NRXN1: variants seen among roughly 807,000 people sequenced by gnomAD.
NRXN1 encodes neurexin 1, also known as neurexin-1.
NRXN1 carries 39 observed loss-of-function variants against 150.9 expected under a neutral mutation model. That is an observed-to-expected ratio of 0.26 (90% CI 0.20 to 0.34). NRXN1 has a LOEUF of 0.34. NRXN1 is among the 10% of genes least tolerant of loss of function. The pLI is 1.00. For synonymous variants in NRXN1, 924 were observed against 757.0 expected, an observed-to-expected ratio of 1.22 and a Z score of -3.62; for missense variants, 1,815 against 1,949.9, an observed-to-expected ratio of 0.93 and a Z score of 1.30.
At chr2:49,996,955 C>T (rs1018011232) in intron 21 of NRXN1, among the ~76,000 whole-genome samples, 1 of 152,026 alleles carries the variant, frequency 6.6e-6, no homozygotes, top group African/African-American at 2.4e-5. Flanking sequence ...TCAACTTTTA[C>T]TTATTATTTC....
intron 17 of NRXN1, among the ~76,000 whole-genome samples, chr2:50,316,619 C>A (rs2075627887): frequency 6.6e-6 from 1 of 151,792 alleles, no homozygotes; most frequent in Non-Finnish European, 1.5e-5. Flanking sequence ...AATATGAAAC[C>A]CACTCTTAAA....
intron 19 of NRXN1, among the ~76,000 whole-genome samples, chr2:50,070,780 A>AAC (rs1553560116): frequency 4.6e-5 from 7 of 150,670 alleles, no homozygotes; most frequent in African/African-American, 1.7e-4. Flanking sequence ...AAAAAAAAAA[A>AAC]AAAAAAAAAC....
chr2:50,839,660 T>C (rs572373821), intron 5 of NRXN1, among the ~76,000 whole-genome samples: 1 of 152,266 alleles, frequency 6.6e-6, no homozygotes, highest in African/African-American at 2.4e-5. Context: ...CAAGTATCTA[T>C]TTATCAGATA....
At chr2:50,122,237 G>A (rs984480657) in intron 18 of NRXN1, among the ~76,000 whole-genome samples, 1 of 152,186 alleles carries the variant, frequency 6.6e-6, no homozygotes, top group African/African-American at 2.4e-5. Flanking sequence ...TGAATCAAAA[G>A]TACCTTCTCT....
At chr2:50,829,303 T>C in intron 5 of NRXN1, 2 of 626,474 alleles carry the variant, frequency 3.2e-6, no homozygotes, top group South Asian at 2.0e-5. Flanking sequence ...GGTAATTTTG[T>C]ATTTTTAGTA....
chr2:50,579,847 C>T (rs1671988727), intron 8 of NRXN1, among the ~76,000 whole-genome samples: 1 of 121,318 alleles, frequency 8.2e-6, no homozygotes, highest in Non-Finnish European at 1.8e-5. Context: ...AATTGAACAT[C>T]AGGTGCATCC....
chr2:50,392,704 C>A (rs2081802886), intron 17 of NRXN1, among the ~76,000 whole-genome samples: 1 of 152,094 alleles, frequency 6.6e-6, no homozygotes, highest in African/African-American at 2.4e-5. Flanking sequence ...TTGATAAATA[C>A]ATGTTTCATA....
chr2:49,994,337 T>C (rs947939530), intron 21 of NRXN1, among the ~76,000 whole-genome samples: 13 of 152,336 alleles, frequency 8.5e-5, no homozygotes, highest in African/African-American at 2.6e-4. Context: ...TCTTTCTCTA[T>C]TGGTATGTTT....
chr2:50,967,651 A>G (rs986457185), intron 2 of NRXN1, among the ~76,000 whole-genome samples: 13 of 151,980 alleles, frequency 8.6e-5, no homozygotes, highest in African/African-American at 3.1e-4. Flanking sequence ...TAAGTACTAA[A>G]TGGGAAGAGA....
chr2:50,671,264 A>G (rs1688796547), intron 5 of NRXN1, among the ~76,000 whole-genome samples: 1 of 151,778 alleles, frequency 6.6e-6, no homozygotes, highest in South Asian at 2.1e-4. Context: ...GAAAAGACTA[A>G]TAACTTTTCT....
At chr2:50,737,670 G>A (rs1223427576) in intron 5 of NRXN1, among the ~76,000 whole-genome samples, 3 of 151,650 alleles carry the variant, frequency 2.0e-5, no homozygotes, top group East Asian at 3.9e-4. Flanking sequence ...TTGGATGATC[G>A]CCCTCTATAA....
intron 5 of NRXN1, among the ~76,000 whole-genome samples, chr2:50,856,178 G>C (rs771532099): frequency 6.6e-6 from 1 of 151,996 alleles, no homozygotes; most frequent in African/African-American, 2.4e-5. Context: ...GTGACATTTA[G>C]ATTACTGGGA....
rs1223771116 is a variant in NRXN1 at position 49,919,390 on chromosome 2, T to TAAC, written c.*2551_*2553dup. On this transcript the variant is annotated 3_prime_UTR_variant, in exon 23 of 23. Coordinates refer to ENST00000401669, the MANE Select transcript of NRXN1 (RefSeq NM_001330078.2). Reference sequence around the variant, plus strand: ...AATAAACTATATCAATCATTGCATGTAACTTTAAAATTTACGCTGGGGAGA... The same window carrying TAAC: ...AATAAACTATATCAATCATTGCATGTAACAACTTTAAAATTTACGCTGGGGAGA... 2 of 152,136 alleles carry TAAC rather than the reference T, an allele frequency of 1.3e-5. No homozygotes were observed. The highest frequency in any genetic ancestry group is 4.8e-5 in the African/African-American group (2 of 41,454). The allele number at this position is 152,136 out of a possible 1,614,324, so 9.4% of individuals were successfully genotyped here. A position where few individuals can be genotyped will look rare whatever the true frequency, so the allele number is the denominator to read the frequency against.
chr2:50,656,252 C>T (rs1436216803), intron 5 of NRXN1: 2 of 620,304 alleles, frequency 3.2e-6, no homozygotes, highest in Non-Finnish European at 6.0e-6. Flanking sequence ...AATCATGCCC[C>T]TTCTTGGCTC....
intron 10 of NRXN1, among the ~76,000 whole-genome samples, chr2:50,532,699 A>C (rs2105218481): frequency 6.6e-6 from 1 of 152,252 alleles, no homozygotes; most frequent in Middle Eastern, 3.4e-3. Flanking sequence ...TTGTTACTAA[A>C]CTAAGGCAGA....
intron 21 of NRXN1, among the ~76,000 whole-genome samples, chr2:49,993,076 T>C (rs986643096): frequency 3.3e-5 from 5 of 152,220 alleles, no homozygotes; most frequent in Non-Finnish European, 5.9e-5. Flanking sequence ...TCCCAAAAGT[T>C]GAAAACTTAC....
intron 17 of NRXN1, among the ~76,000 whole-genome samples, chr2:50,371,175 T>A (rs1404713752): frequency 6.6e-6 from 1 of 152,016 alleles, no homozygotes; most frequent in Non-Finnish European, 1.5e-5. Context: ...TGTCTTTTAT[T>A]ACAAAGGGCA....
intron 18 of NRXN1, among the ~76,000 whole-genome samples, chr2:50,196,614 T>A (rs1286364095): frequency 2.0e-5 from 3 of 152,192 alleles, no homozygotes; most frequent in African/African-American, 7.2e-5. Flanking sequence ...TACAGTTATA[T>A]ATTTATCAAC....
intron 18 of NRXN1, among the ~76,000 whole-genome samples, chr2:50,141,641 C>A (rs1317988503): frequency 4.0e-5 from 6 of 151,852 alleles, no homozygotes; most frequent in African/African-American, 1.2e-4. Context: ...AAAGAGTGGA[C>A]AAAGAATCTG....
Sources: allele counts gnomAD v4.1 joint callset (sites outside exome capture counted in the v4.1 genomes callset), GRCh38; gene constraint gnomAD v4.1.1; transcripts MANE v1.5; gene names NCBI Gene and HGNC (gene_info 2026-07-23, HGNC 2026-07-21).